VRK2: variants seen among roughly 807,000 people sequenced by gnomAD.
The protein encoded by VRK2 is VRK serine/threonine kinase 2.
VRK2 carries 60 observed loss-of-function variants against 57.6 expected under a neutral mutation model. The ratio of observed to expected loss-of-function variants is 1.04; its 90% CI spans 0.85 to 1.29. The LOEUF is 1.29. Among genes scored for constraint, VRK2 ranks in the 50% most tolerant of loss-of-function variants. VRK2 has a pLI of 0.00. For missense variants in VRK2, 705 were observed against 588.1 expected (o/e 1.20, Z -2.06); for synonymous variants, 231 against 199.2 (o/e 1.16, Z -1.35).
At chr2:58,150,422 A>G (rs192106314) in intron 12 of VRK2, among the ~76,000 whole-genome samples, 10 of 151,358 alleles carry the variant, frequency 6.6e-5, no homozygotes, top group Admixed American at 4.6e-4. Flanking sequence ...TCCCTTTATC[A>G]TCACCAATAT....
intron 7 of VRK2, among the ~76,000 whole-genome samples, chr2:58,119,314 AT>A (rs1265762477): frequency 6.6e-6 from 1 of 151,060 alleles, no homozygotes; most frequent in Non-Finnish European, 1.5e-5. Context: ...CCTGGCTAAC[AT>A]GGTGAAACCC....
chr2:58,080,687 T>A (rs1443053483), intron 2 of VRK2, among the ~76,000 whole-genome samples: 1 of 151,914 alleles, frequency 6.6e-6, no homozygotes, highest in Non-Finnish European at 1.5e-5. Flanking sequence ...AAAGTTAGTT[T>A]GTACTTATTA....
chr2:58,048,700 C>T (rs748153569), intron 1 of VRK2, 127 bp from the exon 2 acceptor site: 36 of 1,495,626 alleles, frequency 2.4e-5, no homozygotes, highest in Non-Finnish European at 3.1e-5. Flanking sequence ...ACTGAATTAA[C>T]TTTAGAATCC....
chr2:57,986,397 T>C (rs996700715), intron 1 of VRK2, among the ~76,000 whole-genome samples: 6 of 152,124 alleles, frequency 3.9e-5, no homozygotes, highest in African/African-American at 1.4e-4. Context: ...TCCAGCAAGA[T>C]TTCTTTATAG....
chr2:58,131,869 GA>G lies in VRK2; in HGVS notation c.741del (p.Lys247AsnfsTer8). 1 of 1,614,054 alleles carries G rather than the reference GA, an allele frequency of 6.2e-7. No individual in the cohort carries two copies. Among genetic ancestry groups the G allele is most frequent in the Non-Finnish European group, 8.5e-7 (1 of 1,179,994 alleles). ...ACTGCATGCTGCGGTGGTTGTGTGG[GA>G]AACTTCCCTGGGAACAGAACCTGAA... ...GYCMLRWLCG[K>X]LPWEQNLKDP... On this transcript the variant is annotated frameshift_variant, in exon 9 of 13. Coordinates refer to ENST00000340157, the MANE Select transcript of VRK2 (RefSeq NM_006296.7). LOFTEE classifies it high-confidence loss of function.
intron 2 of VRK2, among the ~76,000 whole-genome samples, chr2:58,081,636 C>T (rs1670880367): frequency 6.6e-6 from 1 of 151,752 alleles, no homozygotes; most frequent in South Asian, 2.1e-4. Context: ...TAATCACTTT[C>T]CTACTTTTTT....
intron 1 of VRK2, chr2:58,047,111 C>T (rs1674898187): frequency 2.1e-6 from 1 of 474,754 alleles, no homozygotes; most frequent in Non-Finnish European, 2.8e-6. Flanking sequence ...AAAGCGGGTC[C>T]GACGTGTTAG....
At chr2:57,958,470 T>TACAC (rs971956378) in intron 1 of VRK2, among the ~76,000 whole-genome samples, 6 of 151,432 alleles carry the variant, frequency 4.0e-5, no homozygotes, top group Admixed American at 1.3e-4. Flanking sequence ...CATGTATATA[T>TACAC]ACACACACAC....
At chr2:57,993,538 C>T (rs574065822) in intron 1 of VRK2, among the ~76,000 whole-genome samples, 9 of 151,562 alleles carry the variant, frequency 5.9e-5, no homozygotes, top group South Asian at 2.1e-4. Context: ...TCATTTAAAT[C>T]GCATTGCACA....
At chr2:57,919,543 T>C (rs959748808) in intron 1 of VRK2, among the ~76,000 whole-genome samples, 1 of 152,046 alleles carries the variant, frequency 6.6e-6, no homozygotes, top group Non-Finnish European at 1.5e-5. Context: ...TAAATCTAAA[T>C]ATCATGTGTA....
intron 1 of VRK2, among the ~76,000 whole-genome samples, chr2:57,908,306 A>G (rs1307043468): frequency 2.0e-5 from 3 of 152,200 alleles, no homozygotes; most frequent in Middle Eastern, 3.4e-3. Flanking sequence ...TTTGCCACCC[A>G]TTATTTTCTA....
At chr2:57,989,099 T>C (rs1203132922) in intron 1 of VRK2, among the ~76,000 whole-genome samples, 1 of 152,138 alleles carries the variant, frequency 6.6e-6, no homozygotes, top group East Asian at 1.9e-4. Flanking sequence ...CCAATTTGCA[T>C]GGATCCAATT....
At chr2:58,080,684 G>A (rs1670735863) in intron 2 of VRK2, among the ~76,000 whole-genome samples, 1 of 151,460 alleles carries the variant, frequency 6.6e-6, no homozygotes, top group Non-Finnish European at 1.5e-5. Context: ...TTTAAAGTTA[G>A]TTTGTACTTA....
At chr2:57,978,620 C>T (rs543883184) in intron 1 of VRK2, among the ~76,000 whole-genome samples, 1 of 150,724 alleles carries the variant, frequency 6.6e-6, no homozygotes, top group African/African-American at 2.5e-5. Context: ...TCATGTGATC[C>T]CTCAGGCCAA....
At chr2:57,988,943 C>A (rs1049153013) in intron 1 of VRK2, among the ~76,000 whole-genome samples, 11 of 152,164 alleles carry the variant, frequency 7.2e-5, no homozygotes, top group African/African-American at 2.7e-4. Flanking sequence ...ATTGGGGTTG[C>A]ACATTCTAGC....
intron 7 of VRK2, among the ~76,000 whole-genome samples, chr2:58,098,781 G>A (rs1673530387): frequency 6.6e-6 from 1 of 151,982 alleles, no homozygotes; most frequent in East Asian, 1.9e-4. Context: ...TAAGAAACAT[G>A]TACTTACAGA....
intron 1 of VRK2, among the ~76,000 whole-genome samples, chr2:57,945,489 G>A (rs1367438393): frequency 1.3e-5 from 2 of 152,060 alleles, no homozygotes; most frequent in African/African-American, 4.8e-5. Context: ...AATCAGTTCT[G>A]TTCACCATAC....
intron 3 of VRK2, among the ~76,000 whole-genome samples, chr2:58,038,188 G>C (rs1674334965): frequency 6.6e-6 from 1 of 152,028 alleles, no homozygotes; most frequent in Non-Finnish European, 1.5e-5. Flanking sequence ...TTGGATCATG[G>C]GGGTGTTTTC....
intron 7 of VRK2, among the ~76,000 whole-genome samples, chr2:58,113,006 GTTTTAAGACAATTGCA>G (rs1050009093): frequency 3.9e-5 from 6 of 152,082 alleles, no homozygotes; most frequent in African/African-American, 7.2e-5. Flanking sequence ...TGGGGAAGGA[GTTTTAAGACAATTGCA>G]TTTCTAGGCC....
Sources: gnomAD v4.1 joint callset for allele counts (sites outside exome capture counted in the v4.1 genomes callset) on GRCh38, gnomAD v4.1.1 for gene constraint, MANE v1.5 for transcripts, NCBI Gene and HGNC (gene_info 2026-07-23, HGNC 2026-07-21) for gene names.